The following RPL14 variants were observed in gnomAD, a reference collection of about 807,000 sequenced individuals.
The protein encoded by RPL14 is ribosomal protein L14.
In RPL14, 4 loss-of-function variants were observed where a neutral mutation model predicts 25.3. The ratio of observed to expected loss-of-function variants is 0.16; its 90% confidence interval spans 0.08 to 0.36. The LOEUF is 0.36. Among genes scored for constraint, RPL14 ranks in the 10% least tolerant of loss-of-function variants. The pLI, the probability that RPL14 is intolerant of heterozygous loss-of-function variation, is 1.00. For synonymous variants in RPL14, 75 were observed against 89.8 expected (o/e 0.84, Z 0.93); for missense variants, 212 against 261.9 (o/e 0.81, Z 1.31).
rs1696997507 is a variant in RPL14 at position 40,464,404 on chromosome 3, T to C, written c.*2172T>C. 6.6e-6 allele frequency: 3 copies of C among 454,188 alleles called. No individual in the cohort carries two copies. The highest frequency in any genetic ancestry group is 4.0e-5 in the African/African-American group (2 of 49,974). 28.1% of individuals were successfully genotyped at this position (454,188 alleles called of 1,614,324 possible). ...AAAATATGGATGATTTCGGATTACC[T>C]GTTCTACTCTGGGAGGTAGAGAATT... is the stretch of plus-strand genomic sequence containing the variant. On this transcript the variant is annotated 3_prime_UTR_variant, in exon 6 of 6. Transcript: ENST00000396203.
chr3:40,468,383 T>C lies in RPL14; in HGVS notation c.*6151T>C, dbSNP rs1697058561. The C allele has an allele frequency of 6.6e-6, 1 of 152,240 alleles. No individual in the cohort carries two copies. Among genetic ancestry groups the C allele is most frequent in the African/African-American group, 2.4e-5 (1 of 41,470 alleles). The allele number at this position is 152,240 out of a possible 1,614,324, so 9.4% of individuals were successfully genotyped here. A position where few individuals can be genotyped will look rare whatever the true frequency, so the allele number is the denominator to read the frequency against. On this transcript the variant is annotated 3_prime_UTR_variant, in exon 6 of 6. Transcript: ENST00000396203. ...GTCTTGAACTCCTGCTATTATCTCT[T>C]AAATTTTTGCCAGTGTGTGAAAAGT...
In RPL14 at chr3:40,464,039, A is replaced by C. The variant is rs1430567063; in HGVS notation, c.*1807A>C. ...GGCTGGAATGTAGTGGCACGATCTC[A>C]GCTCACTGCGACCTCCACCTCCCAG... On this transcript the variant is annotated 3_prime_UTR_variant, in exon 6 of 6. Coordinates refer to ENST00000396203, the MANE Select transcript of RPL14 (RefSeq NM_001034996.3). 6.3e-6 allele frequency: 1 copy of C among 159,332 alleles called. No individual in the cohort carries two copies. The highest frequency in any genetic ancestry group is 1.4e-5 in the Non-Finnish European group (1 of 73,634). The allele number at this position is 159,332 out of a possible 1,614,324, so 9.9% of individuals were successfully genotyped here.
chr3:40,461,339 A>G, intron 3 of RPL14, 68 bp from the exon 4 acceptor site: 4 of 1,317,412 alleles, frequency 3.0e-6, no homozygotes, highest in African/African-American at 1.4e-5. Flanking sequence ...CAAGGAACAA[A>G]GAAAGTGTCT....
intron 2 of RPL14, 101 bp downstream of exon 2, chr3:40,458,092 G>A (rs772769851): frequency 1.3e-5 from 13 of 978,098 alleles, no homozygotes; most frequent in Non-Finnish European, 2.1e-5. Context: ...GGATGCTATG[G>A]GTAGTCGCTT....
In RPL14 at chr3:40,461,675, T is replaced by A; in HGVS notation, c.354+14T>A. ...GCAAAGAAAATGGTAAGATTTAAGA[T>A]CTGTATTTTTGTGTAACTTAGCTTT... On this transcript the variant is annotated intron_variant, in intron 5 of 5. Transcript: ENST00000396203. The A allele has an allele frequency of 6.3e-7, 1 of 1,592,852 alleles. No individual in the cohort carries two copies. Among genetic ancestry groups the A allele is most frequent in the Non-Finnish European group, 8.5e-7 (1 of 1,171,630 alleles).
rs2125627774 is a variant in RPL14 at position 40,466,997 on chromosome 3, CA to C, written c.*4766del. ...CTAGGCTAAATCATGAATACATTTA[CA>C]TTTAAATAAAATATTACAGTTGAAA... On this transcript the variant is annotated 3_prime_UTR_variant, in exon 6 of 6. Transcript: ENST00000396203. 6.6e-6 allele frequency: 1 copy of C among 152,166 alleles called. No individual in the cohort carries two copies. The highest frequency in any genetic ancestry group is 1.5e-5 in the Non-Finnish European group (1 of 68,014). The allele number at this position is 152,166 out of a possible 1,614,324, so 9.4% of individuals were successfully genotyped here. A position where few individuals can be genotyped will look rare whatever the true frequency, so the allele number is the denominator to read the frequency against.
intron 3 of RPL14, among the ~76,000 whole-genome samples, chr3:40,459,962 A>G (rs73080109): frequency 0.033 from 4,988 of 152,182 alleles, 131 homozygotes; most frequent in East Asian, 0.11. Context: ...AGTTGAAAAC[A>G]TGCCACTTGA....
At chr3:40,461,364 C>T (rs754342718) in intron 3 of RPL14, 43 bp from the exon 4 acceptor site, 3 of 1,538,688 alleles carry the variant, frequency 1.9e-6, no homozygotes, top group East Asian at 4.5e-5. Flanking sequence ...TAATGAGTGA[C>T]TTCAAAGCTG....
intron 3 of RPL14, 82 bp downstream of exon 3, chr3:40,458,818 G>A (rs1024093697): frequency 1.2e-5 from 12 of 1,033,382 alleles, no homozygotes; most frequent in South Asian, 4.0e-5. Context: ...TAAACAATAC[G>A]GAAGATTCAG....
At position 40,457,538 on chromosome 3, in the gene RPL14, G is replaced by C. The variant is rs1696860692; in HGVS notation, c.3+64G>C. 3 of 1,360,224 alleles carry C rather than the reference G, an allele frequency of 2.2e-6. No individual in the cohort carries two copies. The African/African-American group carries it at 4.4e-5, about 20-fold the overall frequency. The allele number at this position is 1,360,224 out of a possible 1,614,324, so 84.3% of individuals were successfully genotyped here. On this transcript the variant is annotated intron_variant, in intron 1 of 5. Coordinates refer to ENST00000396203, the MANE Select transcript of RPL14 (RefSeq NM_001034996.3). ...CCTTCCCGGACTCGCGCCCTTCCCG[G>C]ACTCGCCGCTGGCGAGCGCGTGGAG... is the stretch of plus-strand genomic sequence containing the variant.
chr3:40,458,059 GTC>G, intron 2 of RPL14, 68 bp downstream of exon 2: 1 of 1,316,676 alleles, frequency 7.6e-7, no homozygotes, highest in Non-Finnish European at 1.1e-6. Flanking sequence ...ATAATGAATT[GTC>G]TCGATGGCTG....
chr3:40,466,308 A>T lies in RPL14; in HGVS notation c.*4076A>T, dbSNP rs553757220. The stretch of plus-strand genomic sequence containing the variant: ...AAATTATTGAAATATCCAGGTGCAT[A>T]AAAGTCTACTTTGATTATGGAGAAC... On this transcript the variant is annotated 3_prime_UTR_variant, in exon 6 of 6. Coordinates refer to ENST00000396203, the MANE Select transcript of RPL14 (RefSeq NM_001034996.3). The T allele has an allele frequency of 3.9e-5, 6 of 151,946 alleles. No homozygotes were observed. Among genetic ancestry groups the T allele is most frequent in the African/African-American group, 1.4e-4 (6 of 41,394 alleles). 9.4% of individuals were successfully genotyped at this position (151,946 alleles called of 1,614,324 possible).
rs1696952281 is a variant in RPL14 at position 40,462,203 on chromosome 3, G to A, written c.619G>A (p.Ala207Thr). Residue 207 changes from alanine to threonine, a missense_variant, in exon 6 of 6, where the codon GCT becomes ACT. This residue lies in a region of RPL14 where 66 missense variants were observed against 62.6 expected (regional missense o/e 1.05). Transcript: ENST00000396203. ...GQKAPAQKAP[A>T]PKASGKKA ...AAAAGCTCCAGCCCAGAAAGCACCT[G>A]CTCCAAAGGCATCTGGCAAGAAAGC... 2 of 1,595,212 alleles carry A rather than the reference G, an allele frequency of 1.3e-6. No homozygotes were observed. Among genetic ancestry groups the A allele is most frequent in the Non-Finnish European group, 8.5e-7 (1 of 1,174,932 alleles).
At position 40,464,232 on chromosome 3, in the gene RPL14, T is replaced by G; in HGVS notation, c.*2000T>G. On this transcript the variant is annotated 3_prime_UTR_variant, in exon 6 of 6. Transcript: ENST00000396203. ...GCCTTGGCCTCCCAAAGTGCTGGGA[T>G]TACAGGCGTGAGCCACCGCTTCTGG... 2.9e-6 allele frequency: 1 copy of G among 349,348 alleles called. No homozygotes were observed. Among genetic ancestry groups the G allele is most frequent in the Non-Finnish European group, 5.6e-6 (1 of 177,096 alleles). 21.6% of individuals were successfully genotyped at this position (349,348 alleles called of 1,614,324 possible). A position where few individuals can be genotyped will look rare whatever the true frequency, so the allele number is the denominator to read the frequency against.
In RPL14 at chr3:40,457,916, C is replaced by A; in HGVS notation, c.30C>A (p.Gly10=). MVFRRFVEV[G]RVAYVSFGPH... is the part of the protein sequence containing the mutation. The stretch of plus-strand genomic sequence containing the variant: ...TGTTCAGGCGCTTCGTGGAGGTTGG[C>A]CGGGTGGCCTATGTCTCCTTTGGAC... Residue 10 remains glycine, a synonymous_variant, in exon 2 of 6, where the codon GGC becomes GGA. Transcript: ENST00000396203. 6.2e-7 allele frequency: 1 copy of A among 1,614,198 alleles called. No individual in the cohort carries two copies. The highest frequency in any genetic ancestry group is 1.1e-5 in the South Asian group (1 of 91,086).
chr3:40,464,668 CAA>C lies in RPL14; in HGVS notation c.*2437_*2438del. 5.6e-6 allele frequency: 2 copies of C among 354,684 alleles called. No individual in the cohort carries two copies. The highest frequency in any genetic ancestry group is 4.3e-5 in the South Asian group (2 of 46,666). 22.0% of individuals were successfully genotyped at this position (354,684 alleles called of 1,614,324 possible). On this transcript the variant is annotated 3_prime_UTR_variant, in exon 6 of 6. Coordinates refer to ENST00000396203, the MANE Select transcript of RPL14 (RefSeq NM_001034996.3). Reference sequence around the variant, plus strand: ...CTGTTAAGACTGAATCTTATGGGATCAAGACTGGGAATGCTCGGGTTGGCAGT... The same window carrying C: ...CTGTTAAGACTGAATCTTATGGGATCGACTGGGAATGCTCGGGTTGGCAGT...
chr3:40,457,509 G>A (rs759944355), intron 1 of RPL14, 35 bp downstream of exon 1: 3 of 1,497,736 alleles, frequency 2.0e-6, no homozygotes, highest in South Asian at 2.4e-5. Flanking sequence ...CAGCGGAATC[G>A]GGCCCTTCCC....
chr3:40,461,900 T>TATACACA, intron 5 of RPL14, 39 bp from the exon 6 acceptor site: 1 of 1,563,740 alleles, frequency 6.4e-7, no homozygotes, highest in African/African-American at 1.4e-5. Context: ...TTATTGTATG[T>TATACACA]ATACACAATA....
At position 40,466,927 on chromosome 3, in the gene RPL14, T is replaced by G. The variant is rs144068833; in HGVS notation, c.*4695T>G. The G allele has an allele frequency of 1.7e-4, 25 of 150,252 alleles. No individual in the cohort carries two copies. Among genetic ancestry groups the G allele is most frequent in the African/African-American group, 5.9e-4 (24 of 40,632 alleles). 9.3% of individuals were successfully genotyped at this position (150,252 alleles called of 1,614,324 possible). A position where few individuals can be genotyped will look rare whatever the true frequency, so the allele number is the denominator to read the frequency against. On this transcript the variant is annotated 3_prime_UTR_variant, in exon 6 of 6. Coordinates refer to ENST00000396203, the MANE Select transcript of RPL14 (RefSeq NM_001034996.3). ...ACTGTTTATCCTTTAGTACTAAAAT[T>G]AAAAGTTACCTCATTCTTCTAGCTA...
Sources: gnomAD v4.1 joint callset for allele counts (sites outside exome capture counted in the v4.1 genomes callset) on GRCh38, gnomAD v4.1.1 for gene constraint, gnomAD v4.1.1 regional missense constraint, MANE v1.5 for transcripts, NCBI Gene and HGNC (gene_info 2026-07-23, HGNC 2026-07-21) for gene names.